The following PRKAG2 variants were observed in gnomAD, a reference collection of about 807,000 sequenced individuals.
PRKAG2 encodes 5'-AMP-activated protein kinase subunit gamma-2.
A neutral mutation model predicts 69.6 loss-of-function variants in PRKAG2; 26 were observed. That is an observed-to-expected ratio of 0.37 (90% CI 0.27 to 0.52). PRKAG2 has a LOEUF of 0.52. Among genes scored for constraint, PRKAG2 ranks in the 20% least tolerant of loss-of-function variants. PRKAG2 has a pLI of 0.90. For synonymous variants in PRKAG2, 293 were observed against 285.0 expected (o/e 1.03, Z -0.28); for missense variants, 557 against 740.0 (o/e 0.75, Z 2.87).
At position 151,876,773 on chromosome 7, in the gene PRKAG2, G is replaced by C. The variant is rs962104041; in HGVS notation, c.-153C>G. On this transcript the variant is annotated 5_prime_UTR_variant, in exon 1 of 16. Transcript: ENST00000287878. ...TCCGCGGAGAGGGAGGGTGAGCAGG[G>C]AACTCGCGCGGCCGCCGCCGCCGCC... The C allele has an allele frequency of 1.4e-5, 11 of 770,660 alleles. No individual in the cohort carries two copies. The highest frequency in any genetic ancestry group is 1.2e-4 in the Admixed American group (5 of 42,614). 47.7% of individuals were successfully genotyped at this position (770,660 alleles called of 1,614,324 possible).
chr7:151,726,398 A>ACACACG (rs1381494184), intron 3 of PRKAG2, among the ~76,000 whole-genome samples: 3 of 146,366 alleles, frequency 2.0e-5, no homozygotes, highest in Non-Finnish European at 4.5e-5. Context: ...ACACACACAC[A>ACACACG]CACGCACACA....
chr7:151,814,941 G>T lies in PRKAG2; in HGVS notation c.115-28400C>A. ...CTTTTAAAAAGACAGGCAGCAGGATGGAGGGAGGCAGGAGCAGAGGCCGAT... is the reference window on the plus strand; with the variant it reads ...CTTTTAAAAAGACAGGCAGCAGGATTGAGGGAGGCAGGAGCAGAGGCCGAT... On this transcript the variant is annotated intron_variant, in intron 1 of 15. Coordinates refer to ENST00000287878, the MANE Select transcript of PRKAG2 (RefSeq NM_016203.4). This position sits in a 1 kb window ranked among gnomAD's most constrained non-coding sequence, Gnocchi z 4.8. 1 of 1,139,816 alleles carries T rather than the reference G, an allele frequency of 8.8e-7. No homozygotes were observed. Among genetic ancestry groups the T allele is most frequent in the Non-Finnish European group, 1.1e-6 (1 of 904,812 alleles). 70.6% of individuals were successfully genotyped at this position (1,139,816 alleles called of 1,614,324 possible). A position where few individuals can be genotyped will look rare whatever the true frequency, so the allele number is the denominator to read the frequency against.
chr7:151,708,285 G>A (rs1838962079), intron 3 of PRKAG2, among the ~76,000 whole-genome samples: 1 of 152,148 alleles, frequency 6.6e-6, no homozygotes, highest in Non-Finnish European at 1.5e-5. Context: ...GACTCTGAAA[G>A]GCCGCATTAG....
intron 1 of PRKAG2, among the ~76,000 whole-genome samples, chr7:151,840,108 A>G (rs954284172): frequency 1.3e-5 from 2 of 152,156 alleles, no homozygotes; most frequent in Non-Finnish European, 2.9e-5. Context: ...ATTTTACATT[A>G]CGTTTGTAAT....
In PRKAG2 at chr7:151,792,943, C is replaced by T. The variant is rs150848014; in HGVS notation, c.115-6402G>A. Among the ~76,000 whole-genome samples the T allele has an allele frequency of 3.1e-4, 47 of 152,232 alleles. No homozygotes were observed. In the East Asian group the frequency reaches 7.0e-3, roughly 23 times the overall value. On this transcript the variant is annotated intron_variant, in intron 1 of 15. Transcript: ENST00000287878. ...ACACAGCCTGCAGCAGGGAGGGAGC[C>T]GGGGGCTGAGCCGGAGCCCCAGCTC...
chr7:151,632,427 C>A lies in PRKAG2; in HGVS notation c.685-289G>T, dbSNP rs1161971310. The A allele has an allele frequency of 7.4e-6, 4 of 537,512 alleles. No homozygotes were observed. In the African/African-American group the frequency reaches 8.3e-5, roughly 11 times the overall value. 33.3% of individuals were successfully genotyped at this position (537,512 alleles called of 1,614,324 possible). A position where few individuals can be genotyped will look rare whatever the true frequency, so the allele number is the denominator to read the frequency against. Reference sequence around the variant, plus strand: ...TTGGTACGGCCCGCCCGGGAGGAAGCGTGGGAAGGGACCCGGGAGCTCGAG... The same window carrying A: ...TTGGTACGGCCCGCCCGGGAGGAAGAGTGGGAAGGGACCCGGGAGCTCGAG... On this transcript the variant is annotated intron_variant, in intron 4 of 15. Transcript: ENST00000287878. The surrounding 1 kb of genome is among the most constrained non-coding windows in gnomAD (Gnocchi z 4.2).
At chr7:151,803,024 C>G (rs1353310574) in intron 1 of PRKAG2, among the ~76,000 whole-genome samples, 1 of 151,242 alleles carries the variant, frequency 6.6e-6, no homozygotes, top group Non-Finnish European at 1.5e-5. Context: ...GTGGTGTGAT[C>G]TCAGCTCACT....
chr7:151,658,583 T>G (rs1829853766), intron 4 of PRKAG2, among the ~76,000 whole-genome samples: 1 of 152,072 alleles, frequency 6.6e-6, no homozygotes, highest in South Asian at 2.1e-4. Context: ...ATTTTAAGAC[T>G]GAAAATAACA....
chr7:151,803,752 A>G (rs1278770434), intron 1 of PRKAG2, among the ~76,000 whole-genome samples: 1 of 151,632 alleles, frequency 6.6e-6, no homozygotes, highest in Non-Finnish European at 1.5e-5. Flanking sequence ...AGCTTGGCCA[A>G]CATGGTGAAA....
intron 1 of PRKAG2, among the ~76,000 whole-genome samples, chr7:151,833,785 A>C (rs2079089647): frequency 6.6e-6 from 1 of 152,254 alleles, no homozygotes; most frequent in South Asian, 2.1e-4. Flanking sequence ...ATAAAAAATA[A>C]GTCCTTAATG....
At chr7:151,701,431 A>G (rs1223052220) in intron 3 of PRKAG2, among the ~76,000 whole-genome samples, 2 of 152,228 alleles carry the variant, frequency 1.3e-5, no homozygotes, top group Admixed American at 1.3e-4. Context: ...AGATGAGGTC[A>G]TACTAGGGTG....
intron 5 of PRKAG2, among the ~76,000 whole-genome samples, chr7:151,605,499 C>T (rs1227834010): frequency 6.6e-6 from 1 of 151,696 alleles, no homozygotes; most frequent in Non-Finnish European, 1.5e-5. Context: ...CTTTGGGAGG[C>T]CAAGGCGGGT....
At chr7:151,853,505 T>A (rs1423198743) in intron 1 of PRKAG2, among the ~76,000 whole-genome samples, 1 of 152,160 alleles carries the variant, frequency 6.6e-6, no homozygotes, top group Non-Finnish European at 1.5e-5. Flanking sequence ...ACGCCTGTAA[T>A]CCCAGCAATT....
chr7:151,814,402 G>A lies in PRKAG2; in HGVS notation c.115-27861C>T, dbSNP rs189767141. Reference sequence around the variant, plus strand: ...CTATGCATTTAGAAAGCCAGCTCCCGCAGGTCTGCTTACTCAGCCCCAAGG... The same window carrying A: ...CTATGCATTTAGAAAGCCAGCTCCCACAGGTCTGCTTACTCAGCCCCAAGG... On this transcript the variant is annotated intron_variant, in intron 1 of 15. Transcript: ENST00000287878. The surrounding 1 kb of genome is among the most constrained non-coding windows in gnomAD (Gnocchi z 4.8). The A allele has an allele frequency of 2.8e-5, 34 of 1,223,598 alleles. No homozygotes were observed. Among genetic ancestry groups the A allele is most frequent in the Non-Finnish European group, 3.2e-5 (31 of 983,218 alleles). The allele number at this position is 1,223,598 out of a possible 1,614,324, so 75.8% of individuals were successfully genotyped here.
At chr7:151,793,515 C>T (rs745652913) in intron 1 of PRKAG2, among the ~76,000 whole-genome samples, 19 of 152,360 alleles carry the variant, frequency 1.2e-4, no homozygotes, top group South Asian at 2.1e-4. Context: ...GGGAAAGCTG[C>T]GTGTGGCATC....
Position 151,681,901 on chromosome 7 carries a change from G to A in PRKAG2, c.467-6264C>T, listed in dbSNP as rs116159460. 3.1e-3 allele frequency among the ~76,000 whole-genome samples: 472 copies of A among 152,278 alleles called. 3 individuals carry two copies. Among genetic ancestry groups the A allele is most frequent in the African/African-American group, 0.01 (423 of 41,552 alleles). Reference sequence around the variant, plus strand: ...GGCCAACAGGAAGGAGAGCTTGGATGACACTGGGTGACTGCAGAGGGAAAG... The same window carrying A: ...GGCCAACAGGAAGGAGAGCTTGGATAACACTGGGTGACTGCAGAGGGAAAG... On this transcript the variant is annotated intron_variant, in intron 3 of 15. Transcript: ENST00000287878.
rs1403807949 is a variant in PRKAG2, at chr7:151,632,129, C to A, written c.694G>T (p.Ala232Ser). 7.1e-7 allele frequency: 1 copy of A among 1,405,286 alleles called. No homozygotes were observed. Among genetic ancestry groups the A allele is most frequent in the Non-Finnish European group, 9.4e-7 (1 of 1,065,878 alleles). 87.1% of individuals were successfully genotyped at this position (1,405,286 alleles called of 1,614,324 possible). A position where few individuals can be genotyped will look rare whatever the true frequency, so the allele number is the denominator to read the frequency against. ...HYAPSKAAALAAALGPAEAGM... is the reference protein window; with the variant it reads ...HYAPSKAAALSAALGPAEAGM... ...GCTTCCGCGGGTCCCAGGGCCGCCG[C>A]CAGCGCCGCCTGAGGGGGAGGAGGA... Residue 232 changes from alanine to serine, a missense_variant, in exon 5 of 16, where the codon GCG becomes TCG. Ala to Ser is a moderately conservative substitution (Grantham distance 99, BLOSUM62 1). Transcript: ENST00000287878. The surrounding 1 kb of genome is among the most constrained non-coding windows in gnomAD (Gnocchi z 4.2).
intron 1 of PRKAG2, among the ~76,000 whole-genome samples, chr7:151,871,570 A>G (rs2080220573): frequency 6.6e-6 from 1 of 152,242 alleles, no homozygotes; most frequent in Admixed American, 6.5e-5. Flanking sequence ...CACCTTCGTT[A>G]GGTCCAAGGG....
intron 15 of PRKAG2, chr7:151,559,205 T>G: frequency 1.0e-6 from 1 of 973,786 alleles, no homozygotes; most frequent in Non-Finnish European, 1.2e-6. Flanking sequence ...GTGAGATTCC[T>G]CCACTGTTGA....
Sources: allele counts gnomAD v4.1 joint callset (sites outside exome capture counted in the v4.1 genomes callset), GRCh38; gene constraint gnomAD v4.1.1; non-coding constraint Gnocchi (gnomAD v3.1); transcripts MANE v1.5; gene names NCBI Gene and HGNC (gene_info 2026-07-23, HGNC 2026-07-21).